The following STAU2 variants were observed in gnomAD, a reference collection of about 807,000 sequenced individuals.
STAU2 encodes double-stranded RNA-binding protein Staufen homolog 2.
A neutral mutation model predicts 65.9 loss-of-function variants in STAU2; 20 were observed. The observed-to-expected ratio is 0.30, with a 90% confidence interval of 0.21 to 0.44. The LOEUF is 0.44. Ranked by LOEUF, STAU2 falls within the 20% of genes least tolerant of loss-of-function variation. The pLI is 1.00. For missense variants in STAU2, 558 were observed against 683.9 expected (o/e 0.82, Z 2.05); for synonymous variants, 232 against 233.9 (o/e 0.99, Z 0.07).
intron 13 of STAU2, among the ~76,000 whole-genome samples, chr8:73,482,188 C>A (rs34114340): frequency 0.65 from 97,931 of 150,858 alleles, 32,142 homozygotes; most frequent in East Asian, 0.91. Flanking sequence ...AGGTAGAGCA[C>A]TGGCCTGTGA....
chr8:73,457,070 T>C (rs922117918), intron 13 of STAU2, among the ~76,000 whole-genome samples: 1 of 152,242 alleles, frequency 6.6e-6, no homozygotes. Flanking sequence ...ATTATATCCA[T>C]AAATTAGATT....
At chr8:73,691,769 G>A (rs1472040100) in intron 4 of STAU2, among the ~76,000 whole-genome samples, 4 of 151,958 alleles carry the variant, frequency 2.6e-5, no homozygotes, top group Non-Finnish European at 5.9e-5. Context: ...TGTAATTTCC[G>A]GAAGGACAGG....
intron 5 of STAU2, among the ~76,000 whole-genome samples, chr8:73,674,770 T>C (rs1817922841): frequency 1.3e-5 from 2 of 151,342 alleles, no homozygotes; most frequent in African/African-American, 4.8e-5. Flanking sequence ...GTTTTTAGCA[T>C]AAAGAGACAC....
chr8:73,500,081 CA>C (rs1323126914), intron 13 of STAU2, among the ~76,000 whole-genome samples: 2 of 151,736 alleles, frequency 1.3e-5, no homozygotes, highest in African/African-American at 2.4e-5. Context: ...ATATGGGATT[CA>C]AAAAAGCACA....
At chr8:73,507,103 C>A (rs1465348873) in intron 13 of STAU2, among the ~76,000 whole-genome samples, 2 of 152,176 alleles carry the variant, frequency 1.3e-5, no homozygotes, top group African/African-American at 4.8e-5. Flanking sequence ...TCTTCCAAAT[C>A]CCTGCTAATG....
intron 6 of STAU2, among the ~76,000 whole-genome samples, chr8:73,619,051 A>G (rs1278124052): frequency 6.7e-6 from 1 of 150,132 alleles, no homozygotes; most frequent in Non-Finnish European, 1.5e-5. Context: ...TGGACAACTG[A>G]ATTTATTAGT....
At chr8:73,724,831 G>A (rs1172990108) in intron 3 of STAU2, among the ~76,000 whole-genome samples, 1 of 151,858 alleles carries the variant, frequency 6.6e-6, no homozygotes, top group Non-Finnish European at 1.5e-5. Context: ...AGGACTACAG[G>A]TGCACACCAC....
intron 3 of STAU2, among the ~76,000 whole-genome samples, chr8:73,730,092 T>A (rs1805937869): frequency 6.6e-6 from 1 of 152,226 alleles, no homozygotes; most frequent in African/African-American, 2.4e-5. Flanking sequence ...TTCTAGTTTC[T>A]TTAAAATGTA....
chr8:73,739,966 G>A lies in STAU2; in HGVS notation c.-196-98C>T, dbSNP rs146164079. 1.4e-3 allele frequency: 882 copies of A among 640,972 alleles called. 6 individuals carry two copies. The East Asian group carries it at 0.019, about 14-fold the overall frequency. 39.7% of individuals were successfully genotyped at this position (640,972 alleles called of 1,614,324 possible). A position where few individuals can be genotyped will look rare whatever the true frequency, so the allele number is the denominator to read the frequency against. ...ACCTTCTCTCACTCATTTGCTCAGA[G>A]GGAGGCAGATGCCAAACTGTGGTGC... is the stretch of plus-strand genomic sequence containing the variant. On this transcript the variant is annotated intron_variant, in intron 1 of 14. Transcript: ENST00000524300.
At chr8:73,743,321 T>C (rs957332714) in intron 1 of STAU2, among the ~76,000 whole-genome samples, 1 of 152,176 alleles carries the variant, frequency 6.6e-6, no homozygotes, top group Non-Finnish European at 1.5e-5. Context: ...CCTCATCATC[T>C]TGGGATGTAG....
At chr8:73,729,852 C>A (rs889575024) in intron 3 of STAU2, among the ~76,000 whole-genome samples, 1 of 152,110 alleles carries the variant, frequency 6.6e-6, no homozygotes, top group Non-Finnish European at 1.5e-5. Flanking sequence ...TCTCTTTAAT[C>A]CTTTTTGTTT....
chr8:73,545,349 T>C (rs934933725), intron 13 of STAU2, among the ~76,000 whole-genome samples: 2 of 152,130 alleles, frequency 1.3e-5, no homozygotes, highest in Non-Finnish European at 1.5e-5. Flanking sequence ...CCTGTACTTT[T>C]CTTATGCTTT....
intron 11 of STAU2, among the ~76,000 whole-genome samples, chr8:73,593,536 A>C (rs1384151877): frequency 6.6e-6 from 1 of 152,154 alleles, no homozygotes; most frequent in Non-Finnish European, 1.5e-5. Flanking sequence ...TTACATGTCA[A>C]CTTCTCTGGG....
rs192113232 is a variant in STAU2 at position 73,590,905 on chromosome 8, C to G, written c.1161+4261G>C. ...CAAGAAGGTCTGAGCCCCCACCCCA[C>G]TTTGTGTATAATAAAACCTGCAAAG... On this transcript the variant is annotated intron_variant, in intron 11 of 14. Transcript: ENST00000524300. The G allele has an allele frequency of 2.0e-5, 3 of 153,496 alleles. No homozygotes were observed. In the Admixed American group the frequency reaches 2.0e-4, roughly 10 times the overall value. 9.5% of individuals were successfully genotyped at this position (153,496 alleles called of 1,614,324 possible). A position where few individuals can be genotyped will look rare whatever the true frequency, so the allele number is the denominator to read the frequency against.
At chr8:73,690,180 T>G (rs1291563600) in intron 4 of STAU2, among the ~76,000 whole-genome samples, 4 of 151,420 alleles carry the variant, frequency 2.6e-5, no homozygotes, top group Non-Finnish European at 4.4e-5. Context: ...TACAAAAAAT[T>G]TAGCCAGACG....
intron 13 of STAU2, among the ~76,000 whole-genome samples, chr8:73,460,077 G>A (rs1290924744): frequency 6.6e-6 from 1 of 152,160 alleles, no homozygotes; most frequent in Non-Finnish European, 1.5e-5. Context: ...CTCAGCAGTG[G>A]CTGCCAACCC....
intron 6 of STAU2, among the ~76,000 whole-genome samples, chr8:73,649,871 A>ATTTT (rs544068264): frequency 2.6e-4 from 24 of 90,940 alleles, no homozygotes; most frequent in South Asian, 1.1e-3. Context: ...ATATAATTTT[A>ATTTT]TATATATATA....
intron 13 of STAU2, among the ~76,000 whole-genome samples, chr8:73,447,145 C>T (rs1393990003): frequency 2.6e-5 from 4 of 151,830 alleles, no homozygotes; most frequent in African/African-American, 7.3e-5. Context: ...AGGGTTTCAC[C>T]GTATTGGCCA....
intron 12 of STAU2, among the ~76,000 whole-genome samples, chr8:73,576,638 T>C (rs1809581792): frequency 6.6e-6 from 1 of 152,192 alleles, no homozygotes; most frequent in South Asian, 2.1e-4. Context: ...GTTCATTATC[T>C]TGCTTCATAA....
Sources: gnomAD v4.1 joint callset for allele counts (sites outside exome capture counted in the v4.1 genomes callset) on GRCh38, gnomAD v4.1.1 for gene constraint, MANE v1.5 for transcripts, NCBI Gene and HGNC (gene_info 2026-07-23, HGNC 2026-07-21) for gene names.